Variants in AFF2 observed in about 807,000 individuals in gnomAD.
AFF2 encodes the protein AF4/FMR2 family member 2.
A neutral mutation model predicts 76.9 loss-of-function variants in AFF2; 14 were observed. The ratio of observed to expected loss-of-function variants is 0.18; its 90% confidence interval spans 0.12 to 0.28. The LOEUF (loss-of-function observed/expected upper bound fraction) is 0.28, where lower values mean the gene tolerates loss of function less well. Ranked by LOEUF, AFF2 falls within the 10% of genes least tolerant of loss-of-function variation. The pLI is 1.00. For missense variants in AFF2, 868 were observed against 1,001.1 expected (o/e 0.87, Z 1.79); for synonymous variants, 398 against 366.7 (o/e 1.09, Z -0.98).
intron 3 of AFF2, among the ~76,000 whole-genome samples, chrX:148,749,648 A>G (rs1421681045): frequency 9.0e-6 from 1 of 111,167 alleles, no homozygotes; most frequent in East Asian, 2.8e-4. Flanking sequence ...ATATGGTCAG[A>G]AGTGGCCCAG....
intron 1 of AFF2, among the ~76,000 whole-genome samples, chrX:148,579,693 A>T (rs1390441814): frequency 8.9e-6 from 1 of 111,962 alleles, no homozygotes; most frequent in Non-Finnish European, 1.9e-5. Context: ...AGGAGCTATC[A>T]CTGCATGCAG....
At chrX:148,868,939 G>C (rs782201525) in intron 7 of AFF2, among the ~76,000 whole-genome samples, 163 of 112,421 alleles carry the variant, frequency 1.4e-3, no homozygotes, top group Non-Finnish European at 2.3e-3. Context: ...ACCTCCTAAA[G>C]GGTCCACCTT....
chrX:148,663,414 C>T (rs1048271668), intron 3 of AFF2, among the ~76,000 whole-genome samples: 7 of 112,254 alleles, frequency 6.2e-5, no homozygotes, highest in Non-Finnish European at 1.1e-4. Flanking sequence ...AAAAGCATTA[C>T]GAGCAACCAA....
At chrX:148,740,791 G>A (rs1490351105) in intron 3 of AFF2, among the ~76,000 whole-genome samples, 7 of 112,036 alleles carry the variant, frequency 6.2e-5, no homozygotes, top group African/African-American at 2.3e-4. Context: ...TCAGAGGGAA[G>A]GTCTAAGGGC....
intron 1 of AFF2, among the ~76,000 whole-genome samples, chrX:148,504,754 G>A (rs782569194): frequency 5.0e-4 from 56 of 112,531 alleles, no homozygotes; most frequent in African/African-American, 1.8e-3. Flanking sequence ...GAAGGGGCGG[G>A]GGGCTGCTTT....
intron 7 of AFF2, among the ~76,000 whole-genome samples, chrX:148,862,272 G>C (rs73638197): frequency 0.014 from 1,571 of 110,917 alleles, 30 homozygotes; most frequent in African/African-American, 0.05. Context: ...TCAAATCTAA[G>C]CATGTGGATC....
intron 1 of AFF2, among the ~76,000 whole-genome samples, chrX:148,530,527 T>C (rs2052717330): frequency 9.0e-6 from 1 of 111,513 alleles, no homozygotes; most frequent in African/African-American, 3.3e-5. Flanking sequence ...CCTTCCTCTT[T>C]TGATATGAAT....
At chrX:148,970,259 A>T (rs782303714) in intron 15 of AFF2, among the ~76,000 whole-genome samples, 2 of 112,285 alleles carry the variant, frequency 1.8e-5, no homozygotes, top group South Asian at 7.5e-4. Context: ...CAGCTCATAA[A>T]AGCTGGAGAA....
chrX:148,501,581 G>A (rs782004127), intron 1 of AFF2, among the ~76,000 whole-genome samples: 11 of 113,220 alleles, frequency 9.7e-5, no homozygotes, highest in Admixed American at 5.5e-4. Flanking sequence ...GGCCAGGTGC[G>A]GCCAGCAGCC....
At chrX:148,614,032 A>G (rs781929701) in intron 1 of AFF2, among the ~76,000 whole-genome samples, 1 of 112,335 alleles carries the variant, frequency 8.9e-6, no homozygotes, top group African/African-American at 3.2e-5. Flanking sequence ...ATCCGAGCAC[A>G]TTCTTCTAAA....
chrX:148,978,557 CT>C, intron 18 of AFF2, 102 bp downstream of exon 18: 1 of 572,655 alleles, frequency 1.7e-6, no homozygotes, highest in Non-Finnish European at 2.8e-6. Flanking sequence ...AAGGCTTAAC[CT>C]CTCTCCTCCC....
intron 3 of AFF2, among the ~76,000 whole-genome samples, chrX:148,743,216 A>G (rs2055381708): frequency 8.9e-6 from 1 of 112,325 alleles, no homozygotes; most frequent in African/African-American, 3.2e-5. Flanking sequence ...ATAATGCTCT[A>G]ATACAATCAA....
intron 3 of AFF2, among the ~76,000 whole-genome samples, chrX:148,772,829 C>T (rs2069606617): frequency 9.0e-6 from 1 of 110,900 alleles, no homozygotes; most frequent in Non-Finnish European, 1.9e-5. Flanking sequence ...CAAATAATAA[C>T]TAATAATTCA....
At chrX:148,868,496 G>A (rs924820839) in intron 7 of AFF2, among the ~76,000 whole-genome samples, 1 of 112,185 alleles carries the variant, frequency 8.9e-6, no homozygotes, top group Non-Finnish European at 1.9e-5. Context: ...TATGATATCT[G>A]TGTTCCCATC....
chrX:148,555,505 T>G (rs1451155247), intron 1 of AFF2, among the ~76,000 whole-genome samples: 1 of 112,439 alleles, frequency 8.9e-6, no homozygotes, highest in Non-Finnish European at 1.9e-5. Flanking sequence ...AGTTCTGCCC[T>G]GATAAGGCCA....
At chrX:148,585,727 G>A (rs782247786) in intron 1 of AFF2, among the ~76,000 whole-genome samples, 1 of 109,052 alleles carries the variant, frequency 9.2e-6, no homozygotes, top group South Asian at 4.1e-4. Context: ...TGTATTCCCA[G>A]CTGCTCGGGA....
intron 8 of AFF2, among the ~76,000 whole-genome samples, chrX:148,889,046 C>T (rs1373201382): frequency 1.1e-4 from 12 of 111,812 alleles, no homozygotes; most frequent in African/African-American, 3.9e-4. Context: ...ATCATCACAC[C>T]TTGACTCATT....
At chrX:148,706,322 C>G (rs1440499387) in intron 3 of AFF2, among the ~76,000 whole-genome samples, 1 of 112,171 alleles carries the variant, frequency 8.9e-6, no homozygotes, top group Non-Finnish European at 1.9e-5. Flanking sequence ...AGTCATTCAC[C>G]TTTGCATATG....
rs191908236 is a variant in AFF2, at chrX:148,616,111, C to T, written c.48-35888C>T. Among the ~76,000 whole-genome samples, 155 of 111,752 alleles carry T rather than the reference C, an allele frequency of 1.4e-3. No individual in the cohort carries two copies. In the Middle Eastern group the frequency reaches 0.018, roughly 13 times the overall value. The stretch of plus-strand genomic sequence containing the variant: ...AGAGACATGCTTACCTTGTTCTTGT[C>T]TGCATCCCCTGCCCCTCCTCAATGA... On this transcript the variant is annotated intron_variant, in intron 1 of 20. Transcript: ENST00000370460.
Sources: allele counts gnomAD v4.1 joint callset (sites outside exome capture counted in the v4.1 genomes callset), GRCh38; gene constraint gnomAD v4.1.1; transcripts MANE v1.5; gene names NCBI Gene and HGNC (gene_info 2026-07-23, HGNC 2026-07-21).